BACH2: variants seen among roughly 807,000 people sequenced by gnomAD.
BACH2 encodes BACH transcriptional regulator 2.
A neutral mutation model predicts 61.8 loss-of-function variants in BACH2; 5 were observed. The ratio of observed to expected loss-of-function variants is 0.08; its 90% confidence interval spans 0.04 to 0.17. BACH2 has a LOEUF of 0.17. Ranked by LOEUF, BACH2 falls within the 10% of genes least tolerant of loss-of-function variation. The probability of loss-of-function intolerance (pLI) is 1.00; values close to 1 mark genes in which losing one functional copy is unlikely to be tolerated. For missense variants in BACH2, 824 were observed against 1,091.1 expected (o/e 0.76, Z 3.45); for synonymous variants, 446 against 440.1 (o/e 1.01, Z -0.17).
chr6:90,287,213 TTTAA>T (rs1772046041), intron 1 of BACH2, among the ~76,000 whole-genome samples: 1 of 152,164 alleles, frequency 6.6e-6, no homozygotes, highest in Non-Finnish European at 1.5e-5. Context: ...ATAAGTATAG[TTTAA>T]TTAATCAACC....
intron 4 of BACH2, among the ~76,000 whole-genome samples, chr6:90,146,056 C>T (rs1784607494): frequency 6.6e-6 from 1 of 152,210 alleles, no homozygotes; most frequent in African/African-American, 2.4e-5. Context: ...TATGTATAGA[C>T]TTATGTGCAT....
chr6:90,148,703 C>G (rs936467501), intron 4 of BACH2, among the ~76,000 whole-genome samples: 1 of 152,142 alleles, frequency 6.6e-6, no homozygotes, highest in Non-Finnish European at 1.5e-5. Context: ...CACACACACA[C>G]GCATACACGC....
intron 5 of BACH2, among the ~76,000 whole-genome samples, chr6:90,082,734 G>A (rs1407245066): frequency 6.6e-6 from 1 of 152,018 alleles, no homozygotes; most frequent in African/African-American, 2.4e-5. Context: ...TGATAATAAG[G>A]AAAACAAAGC....
intron 5 of BACH2, among the ~76,000 whole-genome samples, chr6:90,055,698 G>C (rs1780305246): frequency 6.6e-6 from 1 of 151,342 alleles, no homozygotes; most frequent in African/African-American, 2.5e-5. Flanking sequence ...TGAAATGAAG[G>C]AAAAAATGTT....
chr6:90,115,313 C>T (rs1210247340), intron 4 of BACH2, among the ~76,000 whole-genome samples: 1 of 151,960 alleles, frequency 6.6e-6, no homozygotes, highest in South Asian at 2.1e-4. Flanking sequence ...GGTACTGGTA[C>T]AAAAACAAAC....
Position 89,961,397 on chromosome 6 carries a change from C to A in BACH2, c.244-9535G>T, listed in dbSNP as rs1020435208. On this transcript the variant is annotated intron_variant, in intron 6 of 8. Transcript: ENST00000257749. ...CTGCATCAAGGTTTATGGTTTCATT[C>A]GAAAAACTGCCTCCAAAAGAAAATT... Among the ~76,000 whole-genome samples, 6 of 151,974 alleles carry A rather than the reference C, an allele frequency of 3.9e-5. No individual in the cohort carries two copies. The East Asian group carries it at 9.6e-4, about 24-fold the overall frequency.
intron 4 of BACH2, among the ~76,000 whole-genome samples, chr6:90,104,064 A>T (rs1782793887): frequency 1.3e-5 from 2 of 152,208 alleles, no homozygotes; most frequent in South Asian, 4.1e-4. Flanking sequence ...AATCAGCACC[A>T]AATAAAATCC....
At chr6:90,174,640 T>C (rs1474604882) in intron 4 of BACH2, among the ~76,000 whole-genome samples, 1 of 152,018 alleles carries the variant, frequency 6.6e-6, no homozygotes, top group Non-Finnish European at 1.5e-5. Context: ...CCAATAAGGT[T>C]TCCATATACA....
At chr6:90,138,485 T>A (rs1251721636) in intron 4 of BACH2, among the ~76,000 whole-genome samples, 1 of 151,488 alleles carries the variant, frequency 6.6e-6, no homozygotes, top group Non-Finnish European at 1.5e-5. Context: ...GGTGACAGAG[T>A]GAGATCCATC....
chr6:90,162,331 A>G (rs961237381), intron 4 of BACH2, among the ~76,000 whole-genome samples: 18 of 152,196 alleles, frequency 1.2e-4, no homozygotes, highest in Admixed American at 9.8e-4. Context: ...AAAGTTCCTG[A>G]TTATCACAAA....
Position 90,125,155 on chromosome 6 carries a change from G to A in BACH2, c.-161-36046C>T, listed in dbSNP as rs547783217. On this transcript the variant is annotated intron_variant, in intron 4 of 8. Coordinates refer to ENST00000257749, the MANE Select transcript of BACH2 (RefSeq NM_021813.4). ...TGGTTTAGTCACAATGAAAAGACAC[G>A]GAGAAGAAAAAAAAGGAAGAGAGAA... Among the ~76,000 whole-genome samples, 51 of 151,722 alleles carry A rather than the reference G, an allele frequency of 3.4e-4. No homozygotes were observed. The South Asian group carries it at 8.7e-3, about 26-fold the overall frequency.
At chr6:90,199,568 C>A (rs1274005187) in intron 4 of BACH2, among the ~76,000 whole-genome samples, 1 of 152,178 alleles carries the variant, frequency 6.6e-6, no homozygotes, top group Admixed American at 6.5e-5. Flanking sequence ...CACTTCCATA[C>A]CTCTCAGAAG....
intron 4 of BACH2, among the ~76,000 whole-genome samples, chr6:90,147,779 TC>T (rs1784674928): frequency 6.6e-6 from 1 of 152,256 alleles, no homozygotes; most frequent in Non-Finnish European, 1.5e-5. Flanking sequence ...GCACAGCTTT[TC>T]ATCTTGTTTT....
chr6:89,949,719 G>A (rs1773959809), intron 7 of BACH2, among the ~76,000 whole-genome samples: 1 of 152,168 alleles, frequency 6.6e-6, no homozygotes, highest in Non-Finnish European at 1.5e-5. Flanking sequence ...CCCCAGGACC[G>A]GGATAAACGG....
chr6:90,095,666 G>A (rs1273340303), intron 4 of BACH2, among the ~76,000 whole-genome samples: 3 of 152,240 alleles, frequency 2.0e-5, no homozygotes, highest in African/African-American at 7.2e-5. Flanking sequence ...GAAATGTGTT[G>A]AAAGTACATA....
chr6:90,041,373 T>C (rs1369725739), intron 5 of BACH2, among the ~76,000 whole-genome samples: 1 of 151,808 alleles, frequency 6.6e-6, no homozygotes, highest in Non-Finnish European at 1.5e-5. Context: ...TTAATGAAAA[T>C]AGATGTTGAA....
chr6:90,172,263 G>GC (rs1767839718), intron 4 of BACH2, among the ~76,000 whole-genome samples: 1 of 145,048 alleles, frequency 6.9e-6, no homozygotes, highest in South Asian at 2.2e-4. Context: ...CCGAGATCAT[G>GC]CCATTGCACT....
In BACH2 at chr6:90,296,641, C is replaced by T. The variant is rs547187425; in HGVS notation, c.-607G>A. The T allele has an allele frequency of 1.3e-5, 2 of 152,276 alleles. No individual in the cohort carries two copies. The highest frequency in any genetic ancestry group is 1.8e-4 in the South Asian group (1 of 5,540). 9.4% of individuals were successfully genotyped at this position (152,276 alleles called of 1,614,324 possible). On this transcript the variant is annotated 5_prime_UTR_variant, in exon 1 of 9. Coordinates refer to ENST00000257749, the MANE Select transcript of BACH2 (RefSeq NM_021813.4). The stretch of plus-strand genomic sequence containing the variant: ...CAGCTCGTTCCCAGCCCCCCGAGTG[C>T]GCCGGGAAGGGGGAGGGGAAGGGGC...
At chr6:89,937,389 C>A (rs1331224014) in intron 8 of BACH2, among the ~76,000 whole-genome samples, 1 of 152,182 alleles carries the variant, frequency 6.6e-6, no homozygotes, top group African/African-American at 2.4e-5. Context: ...AGTTTTCCAG[C>A]CCTTCTGCAG....
Sources: gnomAD v4.1 joint callset for allele counts (sites outside exome capture counted in the v4.1 genomes callset) on GRCh38, gnomAD v4.1.1 for gene constraint, MANE v1.5 for transcripts, NCBI Gene and HGNC (gene_info 2026-07-23, HGNC 2026-07-21) for gene names.